Variants in UPF2 observed in about 807,000 individuals in gnomAD.
UPF2 encodes the protein regulator of nonsense transcripts 2.
UPF2 carries 17 observed loss-of-function variants against 141.4 expected under a neutral mutation model. That is an observed-to-expected ratio of 0.12 (90% CI 0.08 to 0.18). UPF2 has a LOEUF of 0.18. Ranked by LOEUF, UPF2 falls within the 10% of genes least tolerant of loss-of-function variation. UPF2 has a pLI of 1.00. For missense variants in UPF2, 1,152 were observed against 1,515.9 expected, an observed-to-expected ratio of 0.76 and a Z score of 3.99; for synonymous variants, 540 against 498.0, an observed-to-expected ratio of 1.08 and a Z score of -1.12.
intron 9 of UPF2, among the ~76,000 whole-genome samples, chr10:11,973,953 T>C (rs112152166): frequency 9.2e-5 from 14 of 152,368 alleles, no homozygotes; most frequent in African/African-American, 3.1e-4. Context: ...GGGATGGCAC[T>C]GAATCTATCA....
chr10:11,982,719 C>G (rs1457647293), intron 8 of UPF2, among the ~76,000 whole-genome samples: 1 of 152,112 alleles, frequency 6.6e-6, no homozygotes, highest in African/African-American at 2.4e-5. Context: ...CTCCGCCTCC[C>G]AAGCGATTCT....
intron 11 of UPF2, among the ~76,000 whole-genome samples, chr10:11,961,276 A>T (rs1364396187): frequency 6.6e-6 from 1 of 152,106 alleles, no homozygotes; most frequent in South Asian, 2.1e-4. Context: ...TAATTGCAAC[A>T]GTAGCATGAA....
intron 3 of UPF2, among the ~76,000 whole-genome samples, chr10:12,024,217 G>A (rs1249754525): frequency 1.3e-5 from 2 of 151,976 alleles, no homozygotes; most frequent in Admixed American, 1.3e-4. Flanking sequence ...CAGAAGTTTG[G>A]GAGGCCATGG....
intron 8 of UPF2, among the ~76,000 whole-genome samples, chr10:11,987,197 AAG>A (rs1469865765): frequency 1.3e-5 from 2 of 152,216 alleles, no homozygotes; most frequent in Non-Finnish European, 2.9e-5. Context: ...CCTCAGGAAG[AAG>A]AGTTAGTGGA....
At chr10:12,010,217 C>T (rs566636408) in intron 4 of UPF2, among the ~76,000 whole-genome samples, 1 of 152,248 alleles carries the variant, frequency 6.6e-6, no homozygotes, top group Admixed American at 6.5e-5. Context: ...ATCCAGGACA[C>T]ATCCAATAAA....
intron 16 of UPF2, among the ~76,000 whole-genome samples, chr10:11,945,771 T>C (rs573085816): frequency 1.4e-3 from 209 of 152,306 alleles, no homozygotes; most frequent in Admixed American, 4.8e-3. Context: ...CTCAATATCA[T>C]ATTTACCAAC....
Position 11,992,642 on chromosome 10 carries a change from A to G in UPF2, c.1844+5030T>C, listed in dbSNP as rs144916957. Among the ~76,000 whole-genome samples the G allele has an allele frequency of 6.6e-6, 1 of 152,344 alleles. No homozygotes were observed. The highest frequency in any genetic ancestry group is 1.9e-4 in the East Asian group (1 of 5,192). On this transcript the variant is annotated intron_variant, in intron 8 of 21. Coordinates refer to ENST00000357604, the MANE Select transcript of UPF2 (RefSeq NM_015542.4). This position sits in a 1 kb window ranked among gnomAD's most constrained non-coding sequence, Gnocchi z 4.1. ...AAGACTTTTAGGAATTAAACCAAAA[A>G]GGAAAATATTACAGAACTCAAGCCA...
intron 2 of UPF2, among the ~76,000 whole-genome samples, chr10:12,031,999 A>T (rs1834532268): frequency 6.6e-6 from 1 of 152,232 alleles, no homozygotes; most frequent in Non-Finnish European, 1.5e-5. Context: ...ACATTTTAAG[A>T]AAGTATGTAC....
At position 11,964,143 on chromosome 10, in the gene UPF2, A is replaced by G; in HGVS notation, c.2068-18T>C. On this transcript the variant is annotated intron_variant, in intron 10 of 21. Transcript: ENST00000357604. ...AGAAGCATCTGCAACAGGAAGAATG[A>G]TGAAAACTACAAAGGCAACTCTTCA... 6.3e-7 allele frequency: 1 copy of G among 1,575,408 alleles called. No homozygotes were observed. Among genetic ancestry groups the G allele is most frequent in the Non-Finnish European group, 8.7e-7 (1 of 1,147,568 alleles).
chr10:12,033,936 C>T (rs1175519750), intron 2 of UPF2, among the ~76,000 whole-genome samples: 1 of 152,212 alleles, frequency 6.6e-6, no homozygotes, highest in Non-Finnish European at 1.5e-5. Context: ...GTAAGAACTA[C>T]ATTTTTCACT....
At chr10:12,011,789 T>C (rs1384787386) in intron 4 of UPF2, among the ~76,000 whole-genome samples, 2 of 151,226 alleles carry the variant, frequency 1.3e-5, no homozygotes, top group Middle Eastern at 3.5e-3. Flanking sequence ...CTACTAAAAA[T>C]ACAAAATTAG....
At chr10:12,011,066 T>A (rs554006145) in intron 4 of UPF2, among the ~76,000 whole-genome samples, 1 of 152,276 alleles carries the variant, frequency 6.6e-6, no homozygotes, top group African/African-American at 2.4e-5. Context: ...ACTGTAACCT[T>A]GAACATCTGG....
intron 1 of UPF2, among the ~76,000 whole-genome samples, chr10:12,039,622 C>CTT (rs747946922): frequency 0.053 from 7,514 of 140,758 alleles, 323 homozygotes; most frequent in Non-Finnish European, 0.084. Context: ...CTCTCTCTCT[C>CTT]TTTTTTTTTT....
chr10:11,969,468 C>T (rs1833378974), intron 9 of UPF2, among the ~76,000 whole-genome samples: 1 of 152,092 alleles, frequency 6.6e-6, no homozygotes, highest in Non-Finnish European at 1.5e-5. Context: ...CTGCTCCCAG[C>T]CAGAACTTTT....
At position 11,979,856 on chromosome 10, in the gene UPF2, G is replaced by C. The variant is rs2131228445; in HGVS notation, c.1845-691C>G. On this transcript the variant is annotated intron_variant, in intron 8 of 21. Coordinates refer to ENST00000357604, the MANE Select transcript of UPF2 (RefSeq NM_015542.4). This position sits in a 1 kb window ranked among gnomAD's most constrained non-coding sequence, Gnocchi z 6.2. ...GGAGGTAGAAGTTGCAGTGAGCCCAGATCACGCCACTGCACTCCAGCCTGG... is the reference window on the plus strand; with the variant it reads ...GGAGGTAGAAGTTGCAGTGAGCCCACATCACGCCACTGCACTCCAGCCTGG... 6.6e-6 allele frequency among the ~76,000 whole-genome samples: 1 copy of C among 152,268 alleles called. No individual in the cohort carries two copies. Among genetic ancestry groups the C allele is most frequent in the South Asian group, 2.1e-4 (1 of 4,824 alleles).
intron 16 of UPF2, among the ~76,000 whole-genome samples, chr10:11,943,604 C>T (rs559408537): frequency 8.5e-5 from 13 of 152,270 alleles, no homozygotes; most frequent in Middle Eastern, 3.4e-3. Flanking sequence ...TTTTACAAAG[C>T]ACTTCGATTT....
At chr10:11,990,253 T>C (rs937027913) in intron 8 of UPF2, among the ~76,000 whole-genome samples, 3 of 152,190 alleles carry the variant, frequency 2.0e-5, no homozygotes, top group Non-Finnish European at 2.9e-5. Flanking sequence ...TGACCACTTA[T>C]CCTCAAGTTC....
At position 11,979,305 on chromosome 10, in the gene UPF2, A is replaced by G; in HGVS notation, c.1845-140T>C. On this transcript the variant is annotated intron_variant, in intron 8 of 21. Transcript: ENST00000357604. This position sits in a 1 kb window ranked among gnomAD's most constrained non-coding sequence, Gnocchi z 6.2. ...CATACAGACATGCCTATTTATTGCC[A>G]TCATAAAGAAGTGTTTGAAAATTCA... The G allele has an allele frequency of 1.9e-6, 1 of 537,584 alleles. No homozygotes were observed. The highest frequency in any genetic ancestry group is 2.9e-5 in the East Asian group (1 of 34,230). The allele number at this position is 537,584 out of a possible 1,614,324, so 33.3% of individuals were successfully genotyped here.
At chr10:11,978,960 AT>A in intron 9 of UPF2, 96 bp downstream of exon 9, 1 of 1,032,980 alleles carries the variant, frequency 9.7e-7, no homozygotes, top group Non-Finnish European at 1.4e-6. Flanking sequence ...CCACTATCAA[AT>A]TTCAAGAATA....
Sources: gnomAD v4.1 joint callset for allele counts (sites outside exome capture counted in the v4.1 genomes callset) on GRCh38, gnomAD v4.1.1 for gene constraint, Gnocchi (gnomAD v3.1) non-coding constraint, MANE v1.5 for transcripts, NCBI Gene and HGNC (gene_info 2026-07-23, HGNC 2026-07-21) for gene names.